Variants in LRRC4C observed in about 807,000 individuals in gnomAD.
LRRC4C encodes leucine-rich repeat-containing protein 4C.
LRRC4C carries 5 observed loss-of-function variants against 33.6 expected under a neutral mutation model. The ratio of observed to expected loss-of-function variants is 0.15; its 90% CI spans 0.08 to 0.31. The LOEUF (loss-of-function observed/expected upper bound fraction) is 0.31. Ranked by LOEUF, LRRC4C falls within the 10% of genes least tolerant of loss-of-function variation. The pLI, the probability that LRRC4C is intolerant of heterozygous loss-of-function variation, is 1.00. For missense variants in LRRC4C, 560 were observed against 796.7 expected, an observed-to-expected ratio of 0.70 and a Z score of 3.58; for synonymous variants, 329 against 302.0, an observed-to-expected ratio of 1.09 and a Z score of -0.93.
intron 3 of LRRC4C, among the ~76,000 whole-genome samples, chr11:40,621,443 A>G: frequency 6.6e-6 from 1 of 151,708 alleles, no homozygotes; most frequent in South Asian, 2.1e-4. Flanking sequence ...CTGTTTATTC[A>G]GTGTTCACCT....
chr11:40,625,461 T>G (rs1443759659), intron 3 of LRRC4C, among the ~76,000 whole-genome samples: 2 of 152,080 alleles, frequency 1.3e-5, no homozygotes. Flanking sequence ...TTTAAAACCA[T>G]CAGATCTCTT....
chr11:40,505,148 G>A (rs1162606261), intron 3 of LRRC4C, among the ~76,000 whole-genome samples: 1 of 152,098 alleles, frequency 6.6e-6, no homozygotes, highest in Non-Finnish European at 1.5e-5. Flanking sequence ...GAGAAAAATA[G>A]GTAAGGAGAT....
chr11:41,330,460 C>A (rs1951258127), intron 1 of LRRC4C, among the ~76,000 whole-genome samples: 1 of 151,702 alleles, frequency 6.6e-6, no homozygotes, highest in African/African-American at 2.4e-5. Flanking sequence ...AACTATTTAC[C>A]CAATGTTGAA....
chr11:40,852,058 A>C (rs1335949821), intron 2 of LRRC4C, among the ~76,000 whole-genome samples: 1 of 151,782 alleles, frequency 6.6e-6, no homozygotes, highest in Non-Finnish European at 1.5e-5. Context: ...TGAACTCCTG[A>C]CCTCATGATC....
chr11:40,433,323 A>G (rs1363290407), intron 3 of LRRC4C, among the ~76,000 whole-genome samples: 1 of 148,074 alleles, frequency 6.8e-6, no homozygotes. Context: ...TAACAGAGCC[A>G]TAGGAAACAT....
chr11:40,913,265 C>T (rs1255272908), intron 2 of LRRC4C, among the ~76,000 whole-genome samples: 1 of 152,208 alleles, frequency 6.6e-6, no homozygotes, highest in Non-Finnish European at 1.5e-5. Flanking sequence ...CACCACACCA[C>T]ACCTATTCCA....
intron 1 of LRRC4C, among the ~76,000 whole-genome samples, chr11:41,281,084 T>TCTCTCTGTC (rs1949660005): frequency 1.0e-5 from 1 of 95,726 alleles, no homozygotes; most frequent in South Asian, 5.0e-4. Flanking sequence ...CTGTCCTCTC[T>TCTCTCTGTC]CTCTCTCTCT....
At chr11:41,121,225 C>A (rs929819411) in intron 1 of LRRC4C, among the ~76,000 whole-genome samples, 4 of 152,070 alleles carry the variant, frequency 2.6e-5, no homozygotes, top group African/African-American at 9.7e-5. Flanking sequence ...CTTACAAAAA[C>A]CATGACATTG....
intron 2 of LRRC4C, among the ~76,000 whole-genome samples, chr11:40,823,615 T>C (rs1952034368): frequency 6.6e-6 from 1 of 151,794 alleles, no homozygotes; most frequent in Admixed American, 6.6e-5. Context: ...TCTTTTATCA[T>C]TAGAGAAATG....
At chr11:40,767,214 A>T (rs1191943989) in intron 2 of LRRC4C, among the ~76,000 whole-genome samples, 5 of 152,154 alleles carry the variant, frequency 3.3e-5, no homozygotes, top group African/African-American at 1.2e-4. Flanking sequence ...ATTAAAAACT[A>T]TAAAAAAGAC....
At chr11:40,968,022 C>T (rs375084395) in intron 1 of LRRC4C, among the ~76,000 whole-genome samples, 16 of 151,990 alleles carry the variant, frequency 1.1e-4, no homozygotes, top group African/African-American at 3.9e-4. Context: ...AAAGCTAGGC[C>T]TCTTGTGCAA....
chr11:40,988,971 T>C (rs1036431330), intron 1 of LRRC4C, among the ~76,000 whole-genome samples: 1 of 152,036 alleles, frequency 6.6e-6, no homozygotes, highest in Non-Finnish European at 1.5e-5. Context: ...TCGTGTGCCT[T>C]GGCCTCCTAA....
At chr11:40,414,720 T>G (rs1198453640) in intron 3 of LRRC4C, among the ~76,000 whole-genome samples, 1 of 152,136 alleles carries the variant, frequency 6.6e-6, no homozygotes, top group Non-Finnish European at 1.5e-5. Flanking sequence ...TGTGAAACTC[T>G]ATTATTAATA....
In LRRC4C at chr11:40,574,856, C is replaced by T. The variant is rs180746793; in HGVS notation, c.-270+73286G>A. ...CTTACAAAGAGCTGCTCTTGCCCAC[C>T]TTGACTACTGATATGAGCACATAGT... On this transcript the variant is annotated intron_variant, in intron 3 of 6. Transcript: ENST00000528697. Among the ~76,000 whole-genome samples, 5 of 152,278 alleles carry T rather than the reference C, an allele frequency of 3.3e-5. No individual in the cohort carries two copies. The East Asian group carries it at 7.7e-4, about 24-fold the overall frequency.
At chr11:40,921,483 GA>G (rs1288941489) in intron 2 of LRRC4C, among the ~76,000 whole-genome samples, 4 of 152,172 alleles carry the variant, frequency 2.6e-5, no homozygotes, top group Non-Finnish European at 5.9e-5. Context: ...AACTACCAAG[GA>G]AATGAATCCT....
At chr11:41,235,609 C>T (rs578073109) in intron 1 of LRRC4C, among the ~76,000 whole-genome samples, 16 of 152,214 alleles carry the variant, frequency 1.1e-4, no homozygotes, top group Non-Finnish European at 2.1e-4. Context: ...ACAACCAGTA[C>T]GTCTGAAAAT....
At chr11:40,944,313 T>C (rs1230318112) in intron 1 of LRRC4C, among the ~76,000 whole-genome samples, 1 of 152,196 alleles carries the variant, frequency 6.6e-6, no homozygotes, top group East Asian at 1.9e-4. Flanking sequence ...TCCTTATCTA[T>C]CAATTGCAAG....
intron 1 of LRRC4C, among the ~76,000 whole-genome samples, chr11:41,308,303 GA>G (rs1163682766): frequency 2.6e-5 from 4 of 152,050 alleles, no homozygotes; most frequent in African/African-American, 9.7e-5. Flanking sequence ...CCTGGTGAAA[GA>G]TTTTTTTTTG....
At chr11:40,864,048 A>G (rs1954233511) in intron 2 of LRRC4C, among the ~76,000 whole-genome samples, 1 of 151,920 alleles carries the variant, frequency 6.6e-6, no homozygotes, top group African/African-American at 2.4e-5. Context: ...ATAAACATTT[A>G]CTTATTTATT....
Sources: gnomAD v4.1 joint callset for allele counts (sites outside exome capture counted in the v4.1 genomes callset) on GRCh38, gnomAD v4.1.1 for gene constraint, MANE v1.5 for transcripts, NCBI Gene and HGNC (gene_info 2026-07-23, HGNC 2026-07-21) for gene names.